The following ZNF626 variants were observed in gnomAD, a reference collection of about 807,000 sequenced individuals.
ZNF626 encodes zinc finger protein 626.
ZNF626 carries 4 observed loss-of-function variants against 11.7 expected under a neutral mutation model. The ratio of observed to expected loss-of-function variants is 0.34; its 90% CI spans 0.17 to 0.78. The LOEUF (loss-of-function observed/expected upper bound fraction) is 0.78. ZNF626 is among the 30% of genes least tolerant of loss of function. The probability of loss-of-function intolerance (pLI) is 0.57; values close to 1 mark genes in which losing one functional copy is unlikely to be tolerated. For missense variants in ZNF626, 588 were observed against 587.1 expected (o/e 1.00, Z -0.01); for synonymous variants, 179 against 198.6 (o/e 0.90, Z 0.83).
rs782222612 is a variant in ZNF626, at chr19:20,624,879, C to A, written c.998G>T (p.Arg333Ile). The A allele has an allele frequency of 2.5e-6, 4 of 1,608,940 alleles. No individual in the cohort carries two copies. Among genetic ancestry groups the A allele is most frequent in the Admixed American group, 1.7e-5 (1 of 59,486 alleles). Residue 333 changes from arginine (R) to isoleucine (I), a missense_variant, in exon 4 of 4, where the codon AGA becomes ATA. Physicochemically the swap from Arg to Ile is moderately conservative, Grantham distance 97. Around this residue, in one of 4 missense-constraint regions of ZNF626, gnomAD observed 524 missense variants for 470.1 expected, o/e 1.11. Transcript: ENST00000601440. ...GTAGGGTTTGTCTTCAGTATGAATT[C>A]TTTTATGTGTAGTAAGGGTATAGGA... is the stretch of plus-strand genomic sequence containing the variant. ...KYSYTLTTHK[R>I]IHTEDKPYKC...
chr19:20,658,937 T>C (rs1050840003), intron 1 of ZNF626, among the ~76,000 whole-genome samples: 6 of 152,040 alleles, frequency 3.9e-5, no homozygotes, highest in Admixed American at 2.6e-4. Context: ...CAGCAAAACA[T>C]TGTAGTTATG....
chr19:20,640,484 T>G (rs1459583517), intron 3 of ZNF626, among the ~76,000 whole-genome samples: 1 of 151,248 alleles, frequency 6.6e-6, no homozygotes, highest in African/African-American at 2.4e-5. Flanking sequence ...GGTAAAACAT[T>G]TGCATATTAC....
chr19:20,661,462 G>A lies in ZNF626; in HGVS notation c.-16C>T. The A allele has an allele frequency of 6.2e-7, 1 of 1,613,766 alleles. No homozygotes were observed. Among genetic ancestry groups the A allele is most frequent in the South Asian group, 1.1e-5 (1 of 91,026 alleles). Reference sequence around the variant, plus strand: ...CTCTCACCATTTTTGGCTTCCAGGAGGTCCCGGTGTCTTAGCTGTGGATCT... The same window carrying A: ...CTCTCACCATTTTTGGCTTCCAGGAAGTCCCGGTGTCTTAGCTGTGGATCT... On this transcript the variant is annotated 5_prime_UTR_variant, in exon 1 of 4. Transcript: ENST00000601440.
intron 1 of ZNF626, among the ~76,000 whole-genome samples, chr19:20,651,695 C>G (rs1366339084): frequency 6.6e-6 from 1 of 152,208 alleles, no homozygotes; most frequent in African/African-American, 2.4e-5. Flanking sequence ...TTCCCAGTGA[C>G]CTGGGGCTGG....
intron 3 of ZNF626, among the ~76,000 whole-genome samples, chr19:20,630,653 A>G (rs1969893160): frequency 6.6e-6 from 1 of 151,788 alleles, no homozygotes; most frequent in Non-Finnish European, 1.5e-5. Flanking sequence ...TATTGTGTCT[A>G]TTTGATTCTT....
At chr19:20,632,293 C>A (rs1969914772) in intron 3 of ZNF626, among the ~76,000 whole-genome samples, 1 of 152,142 alleles carries the variant, frequency 6.6e-6, no homozygotes, top group Non-Finnish European at 1.5e-5. Context: ...CGAGGAGTAT[C>A]TTTGTGGCGT....
chr19:20,635,045 G>T (rs1219495522), intron 3 of ZNF626, among the ~76,000 whole-genome samples: 1 of 152,150 alleles, frequency 6.6e-6, no homozygotes, highest in African/African-American at 2.4e-5. Context: ...AAAAATACTG[G>T]AATCTCATTC....
chr19:20,627,108 T>C (rs782689655), intron 3 of ZNF626, among the ~76,000 whole-genome samples: 5 of 149,482 alleles, frequency 3.3e-5, no homozygotes, highest in Admixed American at 6.6e-5. Context: ...TAATAAGAAA[T>C]ATTGAAATAG....
chr19:20,656,983 G>T (rs782112548), intron 1 of ZNF626, among the ~76,000 whole-genome samples: 21 of 152,116 alleles, frequency 1.4e-4, no homozygotes, highest in Non-Finnish European at 7.3e-5. Flanking sequence ...ATATTATAAA[G>T]ACATATTCAC....
chr19:20,638,935 T>C lies in ZNF626; in HGVS notation c.226+6749A>G, dbSNP rs564440536. Among the ~76,000 whole-genome samples the C allele has an allele frequency of 7.4e-4, 112 of 152,064 alleles. 1 individual carries two copies. The highest frequency in any genetic ancestry group is 6.4e-3 in the South Asian group (31 of 4,808). ...TAGACTATGTTATTTATTTTGCAAA[T>C]AGAGGAATAATTGAGAGTACGTTAT... On this transcript the variant is annotated intron_variant, in intron 3 of 3. Coordinates refer to ENST00000601440, the MANE Select transcript of ZNF626 (RefSeq NM_001076675.3).
At chr19:20,651,336 C>T (rs1400108638) in intron 1 of ZNF626, among the ~76,000 whole-genome samples, 3 of 151,386 alleles carry the variant, frequency 2.0e-5, no homozygotes, top group Non-Finnish European at 4.4e-5. Context: ...CCATATGATG[C>T]ATAATTCAAG....
chr19:20,624,003 T>C lies in ZNF626; in HGVS notation c.*287A>G. 1 of 582,426 alleles carries C rather than the reference T, an allele frequency of 1.7e-6. No individual in the cohort carries two copies. The highest frequency in any genetic ancestry group is 2.9e-5 in the Admixed American group (1 of 34,420). The allele number at this position is 582,426 out of a possible 1,614,324, so 36.1% of individuals were successfully genotyped here. On this transcript the variant is annotated 3_prime_UTR_variant, in exon 4 of 4. Coordinates refer to ENST00000601440, the MANE Select transcript of ZNF626 (RefSeq NM_001076675.3). ...AGGGCTGGTTAAAAGATTTTCCCCATTCATCACATTCACATGGTTTCTCTC... is the reference window on the plus strand; with the variant it reads ...AGGGCTGGTTAAAAGATTTTCCCCACTCATCACATTCACATGGTTTCTCTC...
chr19:20,645,490 G>T, intron 3 of ZNF626, 194 bp downstream of exon 3: 1 of 1,590,454 alleles, frequency 6.3e-7, no homozygotes, highest in South Asian at 1.2e-5. Flanking sequence ...AAAAGCATAA[G>T]ACAGAAGATG....
chr19:20,641,593 C>T (rs782408628), intron 3 of ZNF626, among the ~76,000 whole-genome samples: 4 of 152,094 alleles, frequency 2.6e-5, no homozygotes, highest in Non-Finnish European at 5.9e-5. Context: ...CTGAAATGAA[C>T]AGCTTGTTTA....
At chr19:20,635,077 A>G (rs1359712706) in intron 3 of ZNF626, among the ~76,000 whole-genome samples, 1 of 152,236 alleles carries the variant, frequency 6.6e-6, no homozygotes, top group Non-Finnish European at 1.5e-5. Flanking sequence ...AGCAGAAAAT[A>G]GTCTAACTAT....
intron 3 of ZNF626, among the ~76,000 whole-genome samples, chr19:20,629,358 T>C (rs531940163): frequency 6.6e-6 from 1 of 152,350 alleles, no homozygotes; most frequent in African/African-American, 2.4e-5. Flanking sequence ...ATTGAATCTA[T>C]AAATTACCCT....
At chr19:20,655,688 C>G (rs1389318429) in intron 1 of ZNF626, among the ~76,000 whole-genome samples, 3 of 151,856 alleles carry the variant, frequency 2.0e-5, no homozygotes, top group African/African-American at 7.3e-5. Flanking sequence ...TTTGGGAAGC[C>G]AAGGCAGGTG....
chr19:20,631,088 G>A (rs1481101738), intron 3 of ZNF626, among the ~76,000 whole-genome samples: 1 of 152,174 alleles, frequency 6.6e-6, no homozygotes, highest in African/African-American at 2.4e-5. Flanking sequence ...GTGGTTTTGA[G>A]TGAGTTTCTT....
Position 20,624,051 on chromosome 19 carries a change from A to G in ZNF626, c.*239T>C. On this transcript the variant is annotated 3_prime_UTR_variant, in exon 4 of 4. Transcript: ENST00000601440. ...CTCCAGTATGAATTATCTTATGTGC[A>G]GTAAGGTGTGAGGATAGGTGAAAAG... The G allele has an allele frequency of 1.3e-6, 1 of 740,750 alleles. No homozygotes were observed. Among genetic ancestry groups the G allele is most frequent in the Non-Finnish European group, 2.4e-6 (1 of 416,466 alleles). The allele number at this position is 740,750 out of a possible 1,614,324, so 45.9% of individuals were successfully genotyped here.
Sources: allele counts gnomAD v4.1 joint callset (sites outside exome capture counted in the v4.1 genomes callset), GRCh38; gene constraint gnomAD v4.1.1; regional missense constraint gnomAD v4.1.1; transcripts MANE v1.5; gene names NCBI Gene and HGNC (gene_info 2026-07-23, HGNC 2026-07-21).